The following RYR2 variants were observed in gnomAD, a reference collection of about 807,000 sequenced individuals.
RYR2 encodes the protein ryanodine receptor 2.
RYR2 carries 227 observed loss-of-function variants against 601.1 expected under a neutral mutation model. That is an observed-to-expected ratio of 0.38 (90% CI 0.34 to 0.42). The LOEUF is 0.42. Ranked by LOEUF, RYR2 falls within the 10% of genes least tolerant of loss-of-function variation. The pLI is 1.00. For synonymous variants in RYR2, 2,223 were observed against 2,175.1 expected, an observed-to-expected ratio of 1.02 and a Z score of -0.61; for missense variants, 4,646 against 6,156.5, an observed-to-expected ratio of 0.75 and a Z score of 8.21.
intron 84 of RYR2, among the ~76,000 whole-genome samples, chr1:237,765,407 A>AT (rs1373399466): frequency 6.6e-6 from 1 of 152,024 alleles, no homozygotes; most frequent in Admixed American, 6.6e-5. Context: ...AAATAGTTTG[A>AT]TTTTTTAAAA....
chr1:237,739,625 T>G (rs950017571), intron 79 of RYR2, among the ~76,000 whole-genome samples: 3 of 152,224 alleles, frequency 2.0e-5, no homozygotes, highest in Non-Finnish European at 4.4e-5. Context: ...CACATCGTTA[T>G]GCCTAGTGTT....
chr1:237,634,883 T>G lies in RYR2; in HGVS notation c.6689-6T>G. 1 of 1,596,902 alleles carries G rather than the reference T, an allele frequency of 6.3e-7. No individual in the cohort carries two copies. The highest frequency in any genetic ancestry group is 8.5e-7 in the Non-Finnish European group (1 of 1,170,730). Reference sequence around the variant, plus strand: ...GGTTATATTTCATCTTCATTTGAATTAATAGCCTCCCCAGCTATGAGAGGT... The same window carrying G: ...GGTTATATTTCATCTTCATTTGAATGAATAGCCTCCCCAGCTATGAGAGGT... On this transcript the variant is annotated splice_region_variant and splice_polypyrimidine_tract_variant and intron_variant, in intron 43 of 104. Coordinates refer to ENST00000366574, the MANE Select transcript of RYR2 (RefSeq NM_001035.3).
At chr1:237,678,004 T>C in intron 60 of RYR2, 44 bp from the exon 61 acceptor site, 1 of 1,116,786 alleles carries the variant, frequency 9.0e-7, no homozygotes, top group Non-Finnish European at 1.4e-6. Context: ...TATCTTGCAA[T>C]GTTTCCAGTG....
intron 2 of RYR2, among the ~76,000 whole-genome samples, chr1:237,301,500 A>G (rs748345621): frequency 8.5e-5 from 13 of 152,182 alleles, no homozygotes; most frequent in Non-Finnish European, 1.6e-4. Flanking sequence ...TGTAGTTGAT[A>G]AGAGTTCAAA....
At chr1:237,124,786 G>A (rs542872230) in intron 1 of RYR2, among the ~76,000 whole-genome samples, 14 of 152,082 alleles carry the variant, frequency 9.2e-5, no homozygotes, top group African/African-American at 2.2e-4. Context: ...GGTGGGGGGC[G>A]CGGGGGGCAT....
chr1:237,601,231 A>C (rs965897378), intron 34 of RYR2, among the ~76,000 whole-genome samples: 1 of 152,184 alleles, frequency 6.6e-6, no homozygotes, highest in East Asian at 1.9e-4. Flanking sequence ...GTATATATAC[A>C]CAGTGGAATA....
intron 4 of RYR2, among the ~76,000 whole-genome samples, chr1:237,360,833 G>C (rs1423916213): frequency 6.6e-6 from 1 of 152,148 alleles, no homozygotes; most frequent in Non-Finnish European, 1.5e-5. Context: ...GAGCATCTTG[G>C]ACATTTTTAG....
At chr1:237,343,154 T>C (rs1172678760) in intron 3 of RYR2, among the ~76,000 whole-genome samples, 1 of 151,778 alleles carries the variant, frequency 6.6e-6, no homozygotes, top group Non-Finnish European at 1.5e-5. Flanking sequence ...GCTTGGGAGA[T>C]CGAGGCTGCG....
chr1:237,689,497 G>C, intron 63 of RYR2, among the ~76,000 whole-genome samples: 1 of 152,040 alleles, frequency 6.6e-6, no homozygotes, highest in African/African-American at 2.4e-5. Context: ...ATTTAAGTTT[G>C]GTTATTGAAG....
Position 237,639,379 on chromosome 1 carries a change from G to A in RYR2, c.7115+178G>A, listed in dbSNP as rs61834870. ...ATGGAATTTGGTGCTGGAATAGGTC[G>A]AATGAACAAAGAGAGCTGAAGAAGA... On this transcript the variant is annotated intron_variant, in intron 46 of 104. Transcript: ENST00000366574. Among the ~76,000 whole-genome samples the A allele has an allele frequency of 0.076, 11,505 of 152,248 alleles. 578 individuals are homozygous for A. Among genetic ancestry groups the A allele is most frequent in the Non-Finnish European group, 0.11 (7,801 of 68,000 alleles).
intron 33 of RYR2, among the ~76,000 whole-genome samples, chr1:237,594,862 G>A (rs1675627624): frequency 7.5e-6 from 1 of 133,752 alleles, no homozygotes; most frequent in Non-Finnish European, 1.5e-5. Context: ...AAAATCAGGT[G>A]GCATTTGTGG....
chr1:237,669,597 T>G (rs1374151035), intron 58 of RYR2, among the ~76,000 whole-genome samples: 32 of 150,690 alleles, frequency 2.1e-4, no homozygotes, highest in African/African-American at 7.6e-4. Context: ...GCAGAGGGTC[T>G]CCTCACTTCT....
At chr1:237,097,270 C>G (rs1439300757) in intron 1 of RYR2, among the ~76,000 whole-genome samples, 1 of 151,976 alleles carries the variant, frequency 6.6e-6, no homozygotes, top group Non-Finnish European at 1.5e-5. Context: ...AAAAATGGTA[C>G]AAATGGTACA....
At chr1:237,669,517 C>CT (rs1333854631) in intron 58 of RYR2, among the ~76,000 whole-genome samples, 3 of 150,550 alleles carry the variant, frequency 2.0e-5, no homozygotes, top group African/African-American at 7.3e-5. Flanking sequence ...TGACCCCCCC[C>CT]ACCTCCCTCC....
At chr1:237,312,012 A>T (rs766212906) in intron 2 of RYR2, among the ~76,000 whole-genome samples, 3 of 152,150 alleles carry the variant, frequency 2.0e-5, no homozygotes, top group Admixed American at 1.3e-4. Context: ...CGGTACTGGG[A>T]GATGGACTAT....
intron 33 of RYR2, among the ~76,000 whole-genome samples, chr1:237,594,897 T>TGTTTGTTTG (rs1559084064): frequency 2.7e-3 from 58 of 21,208 alleles, no homozygotes; most frequent in Middle Eastern, 0.022. Context: ...TTTTTTTTTT[T>TGTTTGTTTG]TTTTTTTTTT....
intron 25 of RYR2, among the ~76,000 whole-genome samples, chr1:237,546,993 A>ATATATATT (rs746133377): frequency 2.6e-4 from 33 of 127,396 alleles, no homozygotes; most frequent in African/African-American, 7.0e-4. Context: ...ATATATATAT[A>ATATATATT]TATTTATTTA....
intron 1 of RYR2, among the ~76,000 whole-genome samples, chr1:237,187,229 G>A (rs1246996891): frequency 1.3e-5 from 2 of 151,170 alleles, no homozygotes; most frequent in Non-Finnish European, 1.5e-5. Context: ...GGAGTGCAGT[G>A]GCGTGATCTC....
intron 1 of RYR2, among the ~76,000 whole-genome samples, chr1:237,181,021 T>G (rs1428630241): frequency 6.6e-6 from 1 of 152,164 alleles, no homozygotes; most frequent in South Asian, 2.1e-4. Context: ...CCTCACTCTG[T>G]CACCCAGGCT....
Sources: allele counts gnomAD v4.1 joint callset (sites outside exome capture counted in the v4.1 genomes callset), GRCh38; gene constraint gnomAD v4.1.1; transcripts MANE v1.5; gene names NCBI Gene and HGNC (gene_info 2026-07-23, HGNC 2026-07-21).